Variants in ADAP1 observed in about 807,000 individuals in gnomAD.
The protein encoded by ADAP1 is ArfGAP with dual PH domains 1.
A neutral mutation model predicts 54.9 loss-of-function variants in ADAP1; 31 were observed. That is an observed-to-expected ratio of 0.56 (90% CI 0.42 to 0.76). The LOEUF is 0.76. Among genes scored for constraint, ADAP1 ranks in the 30% least tolerant of loss-of-function variants. The probability of loss-of-function intolerance (pLI) is 0.00; values close to 1 mark genes in which losing one functional copy is unlikely to be tolerated. For synonymous variants in ADAP1, 313 were observed against 202.6 expected (o/e 1.55, Z -4.63); for missense variants, 535 against 512.4 (o/e 1.04, Z -0.42).
intron 1 of ADAP1, among the ~76,000 whole-genome samples, chr7:939,604 G>C (rs890201732): frequency 3.3e-5 from 5 of 151,880 alleles, no homozygotes; most frequent in Non-Finnish European, 7.4e-5. Context: ...GCCAAGGCGG[G>C]TGGATCACCT....
chr7:904,571 G>T (rs1038061452), intron 5 of ADAP1, among the ~76,000 whole-genome samples: 3 of 152,182 alleles, frequency 2.0e-5, no homozygotes, highest in African/African-American at 7.2e-5. Context: ...TCCCACAGGG[G>T]CAGGCCCCAG....
intron 10 of ADAP1, 27 bp downstream of exon 10, chr7:899,006 A>T: frequency 2.5e-6 from 4 of 1,609,554 alleles, no homozygotes; most frequent in Non-Finnish European, 3.4e-6. Context: ...GAGCCCTTCC[A>T]GGCCGCCGGC....
chr7:907,698 C>T (rs1388534784), intron 4 of ADAP1, among the ~76,000 whole-genome samples: 3 of 152,218 alleles, frequency 2.0e-5, no homozygotes, highest in Non-Finnish European at 4.4e-5. Flanking sequence ...CTGGCTGTCC[C>T]GCCCCAACAG....
chr7:904,338 G>A (rs1268915060), intron 5 of ADAP1, 66 bp from the exon 6 acceptor site: 1 of 1,512,754 alleles, frequency 6.6e-7, no homozygotes, highest in Non-Finnish European at 8.9e-7. Flanking sequence ...AGCAGGAAGG[G>A]CAGACCCTGT....
chr7:954,185 C>G (rs1393395779), intron 1 of ADAP1, among the ~76,000 whole-genome samples: 1 of 151,868 alleles, frequency 6.6e-6, no homozygotes, highest in East Asian at 1.9e-4. Flanking sequence ...GGCCCCCCCG[C>G]TGCGCCCGGC....
At chr7:955,263 AG>A, upstream of ADAP1, 1 of 1,544,022 alleles carries the variant, frequency 6.5e-7, no homozygotes, top group Admixed American at 2.0e-5. Flanking sequence ...GGGGGCTGAC[AG>A]GTAACAAAAA....
At chr7:921,303 G>A (rs1331095316) in intron 3 of ADAP1, among the ~76,000 whole-genome samples, 1 of 152,156 alleles carries the variant, frequency 6.6e-6, no homozygotes, top group Non-Finnish European at 1.5e-5. Flanking sequence ...ATCTTAACCT[G>A]AAGACATCTG....
chr7:906,541 GAAGGGAGA>G (rs1213183624), intron 4 of ADAP1, among the ~76,000 whole-genome samples: 2 of 5,958 alleles, frequency 3.4e-4, no homozygotes, highest in Non-Finnish European at 5.5e-4. Flanking sequence ...GGAGAAAGGA[GAAGGGAGA>G]AAGGGAGAAA....
At chr7:922,703 C>A (rs1349959269) in intron 3 of ADAP1, among the ~76,000 whole-genome samples, 2 of 152,144 alleles carry the variant, frequency 1.3e-5, no homozygotes, top group Admixed American at 1.3e-4. Context: ...AAGTGACCCC[C>A]CAGGGCCCCC....
intron 5 of ADAP1, among the ~76,000 whole-genome samples, 171 bp from the exon 6 acceptor site, chr7:904,443 C>T (rs1195654506): frequency 2.0e-5 from 3 of 152,212 alleles, no homozygotes; most frequent in Non-Finnish European, 4.4e-5. Flanking sequence ...CAGAAGGTAA[C>T]AGCACCTCCC....
At chr7:953,132 C>T (rs1402012441) in intron 1 of ADAP1, among the ~76,000 whole-genome samples, 1 of 152,144 alleles carries the variant, frequency 6.6e-6, no homozygotes, top group Non-Finnish European at 1.5e-5. Context: ...CGTTCCTGAA[C>T]AGGAGGAAAT....
rs547193961 is a variant in ADAP1, at chr7:898,157, G to T, written c.*764C>A. On this transcript the variant is annotated 3_prime_UTR_variant, in exon 11 of 11. Coordinates refer to ENST00000265846, the MANE Select transcript of ADAP1 (RefSeq NM_006869.4). ...GGAGATAGGTGAAAAATAAATACAC[G>T]GCTGGGCCGCCTGCAGCAAGCGCGA... 2 of 152,382 alleles carry T rather than the reference G, an allele frequency of 1.3e-5. No homozygotes were observed. The highest frequency in any genetic ancestry group is 4.8e-5 in the African/African-American group (2 of 41,454). The allele number at this position is 152,382 out of a possible 1,614,324, so 9.4% of individuals were successfully genotyped here. A position where few individuals can be genotyped will look rare whatever the true frequency, so the allele number is the denominator to read the frequency against.
intron 8 of ADAP1, among the ~76,000 whole-genome samples, chr7:899,798 TTG>T (rs1006497516): frequency 6.6e-6 from 1 of 151,718 alleles, no homozygotes; most frequent in African/African-American, 2.4e-5. Flanking sequence ...CTCCCAGGAT[TTG>T]TGTCTCCCTC....
At chr7:902,749 G>A (rs1844884776) in intron 6 of ADAP1, among the ~76,000 whole-genome samples, 1 of 149,316 alleles carries the variant, frequency 6.7e-6, no homozygotes, top group Non-Finnish European at 1.5e-5. Context: ...GCCACCCTGG[G>A]CCTGTACCCA....
chr7:906,179 GGAAAGGAGAAAGGAGAAAGGA>G (rs1554272091), intron 4 of ADAP1, among the ~76,000 whole-genome samples: 2 of 66,204 alleles, frequency 3.0e-5, no homozygotes, highest in Non-Finnish European at 6.4e-5. Context: ...AAGGAGAAAG[GGAAAGGAGAAAGGAGAAAGGA>G]GAAAGGAGAA....
At chr7:929,874 G>A (rs938689968) in intron 2 of ADAP1, among the ~76,000 whole-genome samples, 4 of 152,080 alleles carry the variant, frequency 2.6e-5, no homozygotes, top group African/African-American at 9.6e-5. Flanking sequence ...AGACTGAGGC[G>A]GGAGGATCAC....
intron 8 of ADAP1, 93 bp from the exon 9 acceptor site, chr7:899,583 C>A: frequency 7.0e-7 from 1 of 1,434,460 alleles, no homozygotes; most frequent in South Asian, 1.3e-5. Context: ...AGGGCCCAGA[C>A]TGGCCCGGGT....
At chr7:944,437 T>C (rs1583187694) in intron 1 of ADAP1, among the ~76,000 whole-genome samples, 1 of 151,836 alleles carries the variant, frequency 6.6e-6, no homozygotes, top group African/African-American at 2.4e-5. Context: ...GTATTTTTAA[T>C]AGAGACGGGG....
At chr7:909,954 C>A (rs1400846190) in intron 4 of ADAP1, among the ~76,000 whole-genome samples, 1 of 152,232 alleles carries the variant, frequency 6.6e-6, no homozygotes, top group East Asian at 1.9e-4. Context: ...CCAGTCCACA[C>A]CCCATGCCCT....
Sources: gnomAD v4.1 joint callset for allele counts (sites outside exome capture counted in the v4.1 genomes callset) on GRCh38, gnomAD v4.1.1 for gene constraint, MANE v1.5 for transcripts, NCBI Gene and HGNC (gene_info 2026-07-23, HGNC 2026-07-21) for gene names.